The following PXDNL variants were observed in gnomAD, a reference collection of about 807,000 sequenced individuals.
The protein encoded by PXDNL is peroxidasin like.
In PXDNL, 145 loss-of-function variants were observed where a neutral mutation model predicts 150.8. That is an observed-to-expected ratio of 0.96 (90% CI 0.84 to 1.10). PXDNL has a LOEUF of 1.10. Ranked by LOEUF, PXDNL falls within the 50% of genes least tolerant of loss-of-function variation. The pLI is 0.00. For synonymous variants in PXDNL, 757 were observed against 725.7 expected (o/e 1.04, Z -0.69); for missense variants, 2,087 against 1,873.9 (o/e 1.11, Z -2.10).
chr8:51,634,185 T>C (rs1199009162), intron 2 of PXDNL, among the ~76,000 whole-genome samples: 1 of 152,180 alleles, frequency 6.6e-6, no homozygotes, highest in Non-Finnish European at 1.5e-5. Context: ...AGTATCCTTC[T>C]TCTGCATATG....
chr8:51,744,985 A>AGGG lies in PXDNL; in HGVS notation c.164+64195_164+64196insCCC, dbSNP rs2036966548. Among the ~76,000 whole-genome samples, 76 of 13,654 alleles carry AGGG rather than the reference A, an allele frequency of 5.6e-3. 7 individuals are homozygous for AGGG. Among genetic ancestry groups the AGGG allele is most frequent in the East Asian group, 0.043 (13 of 304 alleles). The allele number at this position is 13,654 out of a possible 152,430, so 9.0% of individuals were successfully genotyped here. A position where few individuals can be genotyped will look rare whatever the true frequency, so the allele number is the denominator to read the frequency against. On this transcript the variant is annotated intron_variant, in intron 1 of 22. Transcript: ENST00000356297. ...GAAAGAAAGAAAGAAAGAAAGAAAG[A>AGGG]AAGAAAGGGAGGGAGGGAAGAAAAG... is the stretch of plus-strand genomic sequence containing the variant.
intron 19 of PXDNL, among the ~76,000 whole-genome samples, chr8:51,361,728 A>C (rs1475640833): frequency 1.3e-5 from 2 of 152,088 alleles, no homozygotes; most frequent in Non-Finnish European, 2.9e-5. Flanking sequence ...TTGAGAGGCC[A>C]AGGCAGGTGG....
At chr8:51,617,566 G>A (rs569548959) in intron 2 of PXDNL, among the ~76,000 whole-genome samples, 112 of 152,270 alleles carry the variant, frequency 7.4e-4, no homozygotes, top group Middle Eastern at 3.4e-3. Context: ...ATATGACTTC[G>A]AACAGATAAT....
chr8:51,516,268 A>C (rs1347570550), intron 4 of PXDNL, among the ~76,000 whole-genome samples: 1 of 152,212 alleles, frequency 6.6e-6, no homozygotes, highest in Non-Finnish European at 1.5e-5. Flanking sequence ...GCATGGTGAA[A>C]AGCAGAGCCC....
chr8:51,334,251 TA>T (rs1224358331), intron 21 of PXDNL, among the ~76,000 whole-genome samples: 1 of 151,954 alleles, frequency 6.6e-6, no homozygotes, highest in African/African-American at 2.4e-5. Context: ...AGATGGAAAT[TA>T]AAAAATTCTT....
rs576553330 is a variant in PXDNL, at chr8:51,408,651, G to A, written c.2973C>T (p.His991=). The change falls in exon 17 of 23, where the codon CAC becomes CAT. Residue 991 remains histidine (H), a synonymous_variant. Transcript: ENST00000356297. Reference sequence around the variant, plus strand: ...CCTGGTAAACCGTGTTTCCCTCCCAGTGGGGGTTCAGGGCGGACAGCTCCG... The same window carrying A: ...CCTGGTAAACCGTGTTTCCCTCCCAATGGGGGTTCAGGGCGGACAGCTCCG... ...MATELSALNP[H]WEGNTVYQEA... The A allele has an allele frequency of 2.5e-6, 4 of 1,606,154 alleles. No individual in the cohort carries two copies.
intron 2 of PXDNL, among the ~76,000 whole-genome samples, chr8:51,607,469 A>G (rs922093004): frequency 6.6e-6 from 1 of 152,104 alleles, no homozygotes; most frequent in Non-Finnish European, 1.5e-5. Context: ...CCCACTGCCA[A>G]TAAGTGCTGG....
intron 1 of PXDNL, among the ~76,000 whole-genome samples, chr8:51,788,168 A>G (rs941948749): frequency 3.9e-5 from 6 of 152,246 alleles, no homozygotes; most frequent in Non-Finnish European, 7.3e-5. Flanking sequence ...CTTTTATGCG[A>G]TATTAGCTTA....
At chr8:51,595,993 C>T (rs1456374082) in intron 2 of PXDNL, among the ~76,000 whole-genome samples, 6 of 152,024 alleles carry the variant, frequency 3.9e-5, no homozygotes, top group African/African-American at 1.4e-4. Context: ...TATGGATAAT[C>T]CCATCACCCC....
intron 8 of PXDNL, among the ~76,000 whole-genome samples, chr8:51,464,020 T>TA (rs5891415): frequency 2.5e-3 from 333 of 132,608 alleles, no homozygotes; most frequent in African/African-American, 3.4e-3. Flanking sequence ...CTAAAGGAAC[T>TA]AAAAAAAAAA....
chr8:51,476,714 G>A (rs1455736297), intron 6 of PXDNL, among the ~76,000 whole-genome samples: 1 of 152,162 alleles, frequency 6.6e-6, no homozygotes, highest in Non-Finnish European at 1.5e-5. Flanking sequence ...CTTTTGCTAA[G>A]TAGAATTCAC....
intron 2 of PXDNL, among the ~76,000 whole-genome samples, chr8:51,638,589 CA>C (rs1468396281): frequency 6.6e-6 from 1 of 151,966 alleles, no homozygotes; most frequent in Non-Finnish European, 1.5e-5. Flanking sequence ...CAACAAAGAT[CA>C]AAAGAGACAA....
At chr8:51,531,909 C>G (rs967016645) in intron 4 of PXDNL, among the ~76,000 whole-genome samples, 3 of 152,248 alleles carry the variant, frequency 2.0e-5, no homozygotes, top group Non-Finnish European at 4.4e-5. Context: ...GTGCTCCCCC[C>G]ACCGTCATCA....
chr8:51,749,581 A>C (rs1159087946), intron 1 of PXDNL, among the ~76,000 whole-genome samples: 1 of 152,256 alleles, frequency 6.6e-6, no homozygotes, highest in African/African-American at 2.4e-5. Context: ...CTTGCAGGAT[A>C]GAAGTTGCTC....
intron 4 of PXDNL, among the ~76,000 whole-genome samples, chr8:51,515,377 C>T (rs1282626925): frequency 6.6e-6 from 1 of 152,096 alleles, no homozygotes; most frequent in Non-Finnish European, 1.5e-5. Flanking sequence ...GGAGAAGGAA[C>T]CCACTGTGAA....
chr8:51,374,383 TTC>T (rs1388325074), intron 18 of PXDNL, among the ~76,000 whole-genome samples: 1 of 152,226 alleles, frequency 6.6e-6, no homozygotes, highest in Non-Finnish European at 1.5e-5. Context: ...TTTTGAGAAA[TTC>T]TGTTTCTTCT....
intron 3 of PXDNL, among the ~76,000 whole-genome samples, chr8:51,574,802 T>C (rs1328147051): frequency 6.6e-6 from 1 of 151,978 alleles, no homozygotes; most frequent in Non-Finnish European, 1.5e-5. Flanking sequence ...GAATCCTATA[T>C]CTAGCTAAAG....
chr8:51,456,111 C>G (rs540182158), intron 9 of PXDNL, among the ~76,000 whole-genome samples: 7 of 152,276 alleles, frequency 4.6e-5, no homozygotes, highest in African/African-American at 1.7e-4. Flanking sequence ...GCCTATCTTA[C>G]CATGCCCTCC....
chr8:51,534,913 C>T (rs1453638397), intron 4 of PXDNL, among the ~76,000 whole-genome samples: 4 of 101,826 alleles, frequency 3.9e-5, no homozygotes, highest in Non-Finnish European at 7.1e-5. Context: ...CCCGGCCGCC[C>T]CTAGGAAGTG....
Sources: allele counts gnomAD v4.1 joint callset (sites outside exome capture counted in the v4.1 genomes callset), GRCh38; gene constraint gnomAD v4.1.1; transcripts MANE v1.5; gene names NCBI Gene and HGNC (gene_info 2026-07-23, HGNC 2026-07-21).